DAB1: variants seen among roughly 807,000 people sequenced by gnomAD.
DAB1 encodes disabled homolog 1.
A neutral mutation model predicts 64.6 loss-of-function variants in DAB1; 15 were observed. The ratio of observed to expected loss-of-function variants is 0.23; its 90% CI spans 0.16 to 0.36. The LOEUF is 0.36. Ranked by LOEUF, DAB1 falls within the 10% of genes least tolerant of loss-of-function variation. The probability of loss-of-function intolerance (pLI) is 1.00; values close to 1 mark genes in which losing one functional copy is unlikely to be tolerated. For synonymous variants in DAB1, 235 were observed against 251.9 expected, an observed-to-expected ratio of 0.93 and a Z score of 0.64; for missense variants, 596 against 706.7, an observed-to-expected ratio of 0.84 and a Z score of 1.78.
intron 2 of DAB1, among the ~76,000 whole-genome samples, chr1:57,220,227 C>G (rs1666753354): frequency 2.0e-5 from 3 of 152,146 alleles, no homozygotes; most frequent in East Asian, 1.9e-4. Context: ...TGGTGGTCAT[C>G]TTGCTATAAT....
At chr1:58,129,467 C>T (rs545178460) in intron 5 of DAB1, among the ~76,000 whole-genome samples, 1 of 126,682 alleles carries the variant, frequency 7.9e-6, no homozygotes, top group Non-Finnish European at 1.6e-5. Flanking sequence ...TTCAGTTCTG[C>T]TCTGATTTTA....
intron 3 of DAB1, among the ~76,000 whole-genome samples, chr1:58,465,745 T>G (rs570161177): frequency 3.9e-5 from 6 of 152,176 alleles, no homozygotes; most frequent in African/African-American, 1.4e-4. Flanking sequence ...GCACTTACCA[T>G]GTGTTTTAAT....
At chr1:57,145,831 G>A (rs1213872760) in intron 2 of DAB1, among the ~76,000 whole-genome samples, 2 of 152,144 alleles carry the variant, frequency 1.3e-5, no homozygotes, top group Non-Finnish European at 2.9e-5. Context: ...TATGAGCACC[G>A]AGTCTCTGGC....
chr1:58,536,657 T>C (rs749521421), intron 1 of DAB1: 11 of 872,744 alleles, frequency 1.3e-5, no homozygotes, highest in Admixed American at 1.7e-5. Context: ...AACCAAGGAA[T>C]AGCTTCCATT....
intron 3 of DAB1, among the ~76,000 whole-genome samples, chr1:58,406,721 A>T (rs60470704): frequency 6.5e-5 from 1 of 15,444 alleles, no homozygotes. Context: ...CCCCCCCCCC[A>T]ACTGCCACCA....
At chr1:57,164,456 A>G (rs1661046709) in intron 2 of DAB1, among the ~76,000 whole-genome samples, 1 of 152,098 alleles carries the variant, frequency 6.6e-6, no homozygotes, top group Admixed American at 6.5e-5. Context: ...CCATCCAGCA[A>G]TAGAACCACA....
chr1:57,788,449 C>T (rs2101854475), intron 6 of DAB1, among the ~76,000 whole-genome samples: 1 of 152,296 alleles, frequency 6.6e-6, no homozygotes, highest in Non-Finnish European at 1.5e-5. Flanking sequence ...TGTGTGATGA[C>T]ATTTATATGA....
chr1:57,785,577 G>A (rs559430165), intron 6 of DAB1, among the ~76,000 whole-genome samples: 8 of 152,250 alleles, frequency 5.3e-5, no homozygotes, highest in East Asian at 3.9e-4. Flanking sequence ...AGATTTCAGT[G>A]GAGGAAGAAA....
intron 1 of DAB1, among the ~76,000 whole-genome samples, chr1:57,835,189 C>T (rs1652756562): frequency 1.3e-5 from 2 of 152,180 alleles, no homozygotes; most frequent in South Asian, 2.1e-4. Context: ...GACTAAAGAA[C>T]AGTGGCTTTA....
intron 4 of DAB1, among the ~76,000 whole-genome samples, chr1:57,083,027 A>G (rs1652704049): frequency 6.6e-6 from 1 of 152,198 alleles, no homozygotes; most frequent in Non-Finnish European, 1.5e-5. Context: ...ATGCATAAGA[A>G]TTCAAACTTT....
At chr1:57,165,463 T>A (rs970010098) in intron 2 of DAB1, among the ~76,000 whole-genome samples, 1 of 152,162 alleles carries the variant, frequency 6.6e-6, no homozygotes, top group African/African-American at 2.4e-5. Context: ...CAGAAATAAG[T>A]GTTAAATCCC....
At chr1:57,637,366 G>A (rs563099509) in intron 7 of DAB1, among the ~76,000 whole-genome samples, 26 of 152,306 alleles carry the variant, frequency 1.7e-4, no homozygotes, top group Admixed American at 1.2e-3. Context: ...ACAGGGAATC[G>A]TGGAATCCCA....
At chr1:57,285,798 C>T (rs2100646337) in intron 2 of DAB1, among the ~76,000 whole-genome samples, 1 of 152,300 alleles carries the variant, frequency 6.6e-6, no homozygotes, top group East Asian at 1.9e-4. Context: ...CTGGAAGACT[C>T]CAGGCACTGC....
At chr1:58,451,100 T>C (rs1645130951) in intron 3 of DAB1, among the ~76,000 whole-genome samples, 1 of 152,230 alleles carries the variant, frequency 6.6e-6, no homozygotes. Flanking sequence ...TTTAATTTTA[T>C]TTTTTCAGGG....
At chr1:58,219,133 C>T (rs1233758848) in intron 4 of DAB1, among the ~76,000 whole-genome samples, 1 of 151,598 alleles carries the variant, frequency 6.6e-6, no homozygotes, top group East Asian at 1.9e-4. Context: ...GGCTCTGCAC[C>T]CACAGCCCAG....
At chr1:57,898,709 C>G (rs78433498) in intron 5 of DAB1, among the ~76,000 whole-genome samples, 1,622 of 152,240 alleles carry the variant, frequency 0.011, 22 homozygotes, top group African/African-American at 0.036. Flanking sequence ...TCTCTGCCCC[C>G]ACTTGGTTTA....
chr1:57,587,529 C>A (rs1171779551), intron 7 of DAB1, among the ~76,000 whole-genome samples: 1 of 152,122 alleles, frequency 6.6e-6, no homozygotes, highest in Non-Finnish European at 1.5e-5. Flanking sequence ...AGACTCAATG[C>A]CTGATCTTTA....
intron 6 of DAB1, among the ~76,000 whole-genome samples, chr1:57,724,282 G>C (rs1317725448): frequency 9.0e-6 from 1 of 110,578 alleles, no homozygotes; most frequent in Non-Finnish European, 1.8e-5. Flanking sequence ...AAGGAAGGAA[G>C]GAACGAAGGA....
intron 1 of DAB1, among the ~76,000 whole-genome samples, chr1:57,337,795 C>T (rs1461904457): frequency 6.6e-6 from 1 of 152,126 alleles, no homozygotes; most frequent in Non-Finnish European, 1.5e-5. Context: ...AGGCCAGTGG[C>T]ACCTGTATTC....
Sources: allele counts gnomAD v4.1 joint callset (sites outside exome capture counted in the v4.1 genomes callset), GRCh38; gene constraint gnomAD v4.1.1; transcripts MANE v1.5; gene names NCBI Gene and HGNC (gene_info 2026-07-23, HGNC 2026-07-21).